TMEM200A: variants seen among roughly 807,000 people sequenced by gnomAD.
The protein encoded by TMEM200A is transmembrane protein 200A.
TMEM200A carries 12 observed loss-of-function variants against 24.3 expected under a neutral mutation model. The ratio of observed to expected loss-of-function variants is 0.49; its 90% CI spans 0.32 to 0.80. The LOEUF is 0.80. Among genes scored for constraint, TMEM200A ranks in the 30% least tolerant of loss-of-function variants. The pLI is 0.04. For missense variants in TMEM200A, 545 were observed against 614.4 expected, an observed-to-expected ratio of 0.89 and a Z score of 1.19; for synonymous variants, 224 against 224.4, an observed-to-expected ratio of 1.00 and a Z score of 0.02.
chr6:130,432,253 C>T (rs568656032), intron 2 of TMEM200A, among the ~76,000 whole-genome samples: 31 of 152,300 alleles, frequency 2.0e-4, no homozygotes, highest in African/African-American at 6.7e-4. Context: ...CTCATTCATT[C>T]GATCCAATTG....
intron 1 of TMEM200A, among the ~76,000 whole-genome samples, chr6:130,371,194 G>A (rs1177825812): frequency 6.6e-6 from 1 of 152,144 alleles, no homozygotes; most frequent in African/African-American, 2.4e-5. Flanking sequence ...GCTATGCGTG[G>A]TAGATAGGTT....
intron 2 of TMEM200A, among the ~76,000 whole-genome samples, chr6:130,388,827 A>G (rs1778770834): frequency 6.6e-6 from 1 of 152,216 alleles, no homozygotes; most frequent in South Asian, 2.1e-4. Flanking sequence ...ACCACTGCAG[A>G]TAAGTGTGTT....
At chr6:130,367,783 A>C (rs148520892) in intron 1 of TMEM200A, among the ~76,000 whole-genome samples, 76 of 152,270 alleles carry the variant, frequency 5.0e-4, no homozygotes, top group Non-Finnish European at 1.0e-3. Context: ...TAACAGTATG[A>C]TTTTTTTACT....
At chr6:130,426,878 C>T (rs1779757128) in intron 2 of TMEM200A, among the ~76,000 whole-genome samples, 1 of 152,222 alleles carries the variant, frequency 6.6e-6, no homozygotes, top group African/African-American at 2.4e-5. Context: ...ATTCTAAATT[C>T]ATCCTCTATT....
At chr6:130,427,474 T>C (rs2115197862) in intron 2 of TMEM200A, among the ~76,000 whole-genome samples, 1 of 152,328 alleles carries the variant, frequency 6.6e-6, no homozygotes, top group East Asian at 1.9e-4. Context: ...TTGTTGCCAT[T>C]ACTATCGTGC....
Position 130,366,299 on chromosome 6 carries a change from C to T in TMEM200A, c.-306C>T, listed in dbSNP as rs1330799178. ...CCGTCCGCTTGCACCCCTTGCCACCCGCCCCCTCGCCTGACTCATCCGCCC... is the reference window on the plus strand; with the variant it reads ...CCGTCCGCTTGCACCCCTTGCCACCTGCCCCCTCGCCTGACTCATCCGCCC... On this transcript the variant is annotated 5_prime_UTR_variant, in exon 1 of 3. Transcript: ENST00000296978. This position sits in a 1 kb window ranked among gnomAD's most constrained non-coding sequence, Gnocchi z 4.4. The T allele has an allele frequency of 1.0e-6, 1 of 985,342 alleles. No homozygotes were observed. The highest frequency in any genetic ancestry group is 1.1e-4 in the East Asian group (1 of 8,774). 61.0% of individuals were successfully genotyped at this position (985,342 alleles called of 1,614,324 possible).
chr6:130,428,156 C>G (rs1247890266), intron 2 of TMEM200A, among the ~76,000 whole-genome samples: 2 of 152,234 alleles, frequency 1.3e-5, no homozygotes, highest in African/African-American at 2.4e-5. Context: ...TCATTCTTCT[C>G]AATTTTTTCC....
intron 2 of TMEM200A, chr6:130,421,033 T>C (rs1408414476): frequency 6.6e-6 from 1 of 152,208 alleles, no homozygotes; most frequent in Non-Finnish European, 1.5e-5. Context: ...TTTCTTGTTT[T>C]AGAAAGTCCC....
At chr6:130,365,656 C>A (rs1040182088), upstream of TMEM200A, 3 of 985,286 alleles carry the variant, frequency 3.0e-6, no homozygotes, top group East Asian at 1.1e-4. Context: ...TAGAGGCGGG[C>A]CCCACGGGTG....
At chr6:130,391,720 C>T (rs1778835453) in intron 2 of TMEM200A, among the ~76,000 whole-genome samples, 1 of 146,782 alleles carries the variant, frequency 6.8e-6, no homozygotes, top group Middle Eastern at 3.6e-3. Context: ...TCTTTTAAAC[C>T]TTCAAGATTC....
intron 2 of TMEM200A, among the ~76,000 whole-genome samples, chr6:130,405,682 C>T (rs1290193328): frequency 6.6e-6 from 1 of 152,200 alleles, no homozygotes; most frequent in East Asian, 1.9e-4. Context: ...TGTCATTACA[C>T]AGTCATGGTT....
chr6:130,424,855 C>A (rs1026394354), intron 2 of TMEM200A, among the ~76,000 whole-genome samples: 3 of 152,154 alleles, frequency 2.0e-5, no homozygotes, highest in Non-Finnish European at 4.4e-5. Flanking sequence ...AGTCTGAATG[C>A]ATGCAAATCA....
intron 2 of TMEM200A, among the ~76,000 whole-genome samples, chr6:130,394,464 C>T (rs1375948945): frequency 6.6e-6 from 1 of 152,178 alleles, no homozygotes; most frequent in Non-Finnish European, 1.5e-5. Context: ...GCTGCTTCTG[C>T]TTTTGGCAGA....
intron 1 of TMEM200A, among the ~76,000 whole-genome samples, chr6:130,381,411 A>G (rs987300799): frequency 6.6e-6 from 1 of 152,238 alleles, no homozygotes; most frequent in Non-Finnish European, 1.5e-5. Context: ...CCTTTGGGTG[A>G]ACCATCTCTG....
chr6:130,412,719 C>T (rs372454020), intron 2 of TMEM200A, among the ~76,000 whole-genome samples: 6 of 152,266 alleles, frequency 3.9e-5, no homozygotes, highest in African/African-American at 9.6e-5. Context: ...TCACCCCCTT[C>T]GAATGCTTTA....
At position 130,409,192 on chromosome 6, in the gene TMEM200A, G is replaced by A. The variant is rs947492122; in HGVS notation, c.-17+23956G>A. Among the ~76,000 whole-genome samples, 6 of 152,038 alleles carry A rather than the reference G, an allele frequency of 3.9e-5. 1 individual carries two copies. The highest frequency in any genetic ancestry group is 3.9e-4 in the Admixed American group (6 of 15,240). ...CACCCTCTTTTCTTTATCTGTCACA[G>A]GTGTTTTCCCCAATAATCATTTCTA... On this transcript the variant is annotated intron_variant, in intron 2 of 2. Coordinates refer to ENST00000296978, the MANE Select transcript of TMEM200A (RefSeq NM_001258277.2).
intron 2 of TMEM200A, among the ~76,000 whole-genome samples, chr6:130,392,281 A>G (rs1021050417): frequency 3.9e-5 from 6 of 152,250 alleles, no homozygotes; most frequent in African/African-American, 1.4e-4. Flanking sequence ...TGTTGAATAA[A>G]AGTAGATGTT....
Position 130,440,937 on chromosome 6 carries a change from C to T in TMEM200A, c.515C>T (p.Thr172Met), listed in dbSNP as rs149308469. ...TATTCCACAGTCATTGACATTCACA[C>T]GCTAAGAATCAAGGAGCAAAGGCAA... Reference protein sequence around the residue: ...DIYSTVIDIHTLRIKEQRQMN... With the variant: ...DIYSTVIDIHMLRIKEQRQMN... Residue 172 changes from threonine (T) to methionine (M), a missense_variant, in exon 3 of 3, where the codon ACG (threonine) becomes ATG (methionine). Thr to Met is a moderately conservative substitution (Grantham distance 81). Transcript: ENST00000296978. 1.2e-4 allele frequency: 199 copies of T among 1,614,012 alleles called. No individual in the cohort carries two copies. The highest frequency in any genetic ancestry group is 1.8e-4 in the South Asian group (16 of 91,076).
Position 130,366,800 on chromosome 6 carries a change from C to T in TMEM200A, c.-81+276C>T, listed in dbSNP as rs1778169839. ...CTGGCTGGGTTTCTCCAAGCAACAC[C>T]CTCCTTTGTCTCGGTTCCTGAGAGT... On this transcript the variant is annotated intron_variant, in intron 1 of 2. Transcript: ENST00000296978. The surrounding 1 kb of genome is among the most constrained non-coding windows in gnomAD (Gnocchi z 4.4). Among the ~76,000 whole-genome samples, 1 of 152,218 alleles carries T rather than the reference C, an allele frequency of 6.6e-6. No homozygotes were observed. The highest frequency in any genetic ancestry group is 1.5e-5 in the Non-Finnish European group (1 of 68,024).
Sources: allele counts gnomAD v4.1 joint callset (sites outside exome capture counted in the v4.1 genomes callset), GRCh38; gene constraint gnomAD v4.1.1; non-coding constraint Gnocchi (gnomAD v3.1); transcripts MANE v1.5; gene names NCBI Gene and HGNC (gene_info 2026-07-23, HGNC 2026-07-21).